The following REC114 variants were observed in gnomAD, a reference collection of about 807,000 sequenced individuals.
REC114 encodes the protein meiotic recombination protein REC114.
Under a neutral mutation model 31.3 loss-of-function variants are expected in REC114, and 27 were observed. That is an observed-to-expected ratio of 0.86 (90% CI 0.64 to 1.19). The LOEUF (loss-of-function observed/expected upper bound fraction) is 1.19. REC114 is among the 50% of genes most tolerant of loss of function. REC114 has a pLI of 0.00. For synonymous variants in REC114, 134 were observed against 127.7 expected (o/e 1.05, Z -0.33); for missense variants, 344 against 326.9 (o/e 1.05, Z -0.40).
At position 73,559,914 on chromosome 15, in the gene REC114, T is replaced by G; in HGVS notation, c.799T>G (p.Ter267GluextTer8). Residue 267 changes from the stop codon to glutamate (E), a stop_lost, in exon 6 of 6, where the codon TAA (stop) becomes GAA (glutamate). Coordinates refer to ENST00000331090, the MANE Select transcript of REC114 (RefSeq NM_001042367.2). ...ELKKLAGLRN* is the reference protein window; with the variant it reads ...ELKKLAGLRNE The stretch of plus-strand genomic sequence containing the variant: ...GAAAAAGCTGGCGGGTTTGAGAAAT[T>G]AATGCTCTATATACATATATAACTA... The G allele has an allele frequency of 6.2e-7, 1 of 1,609,966 alleles. No individual in the cohort carries two copies. The highest frequency in any genetic ancestry group is 2.2e-5 in the East Asian group (1 of 44,766).
intron 2 of REC114, among the ~76,000 whole-genome samples, chr15:73,505,812 G>A (rs1567877076): frequency 6.6e-6 from 1 of 152,146 alleles, no homozygotes; most frequent in East Asian, 1.9e-4. Flanking sequence ...GATTACAGGC[G>A]TGAGCCACCG....
chr15:73,559,305 C>T (rs1450480907), intron 5 of REC114, among the ~76,000 whole-genome samples: 1 of 152,224 alleles, frequency 6.6e-6, no homozygotes, highest in African/African-American at 2.4e-5. Flanking sequence ...TCTGTGGCCT[C>T]TTTCTTACAT....
At chr15:73,539,065 T>C (rs1894202903) in intron 2 of REC114, among the ~76,000 whole-genome samples, 1 of 151,466 alleles carries the variant, frequency 6.6e-6, no homozygotes, top group South Asian at 2.1e-4. Flanking sequence ...TTGTACCAAT[T>C]TGCACTCCCA....
At chr15:73,482,227 A>G (rs1056402149) in intron 2 of REC114, among the ~76,000 whole-genome samples, 6 of 152,144 alleles carry the variant, frequency 3.9e-5, no homozygotes, top group Non-Finnish European at 7.4e-5. Context: ...TTGAAATGTA[A>G]TCCCCAGTGT....
chr15:73,482,147 A>G (rs1484486023), intron 2 of REC114, among the ~76,000 whole-genome samples: 1 of 152,036 alleles, frequency 6.6e-6, no homozygotes, highest in Admixed American at 6.6e-5. Context: ...AGTTTCTATG[A>G]ATTTGACTAT....
intron 2 of REC114, among the ~76,000 whole-genome samples, chr15:73,484,689 A>G (rs769332573): frequency 6.6e-6 from 1 of 152,178 alleles, no homozygotes; most frequent in African/African-American, 2.4e-5. Flanking sequence ...TTTAGCCTCT[A>G]TTTCCAGCCA....
chr15:73,481,343 C>G (rs1314821920), intron 2 of REC114, among the ~76,000 whole-genome samples: 1 of 152,142 alleles, frequency 6.6e-6, no homozygotes, highest in Admixed American at 6.6e-5. Context: ...TCTAGTAATA[C>G]TACAGATTTC....
At chr15:73,473,440 TG>T (rs1462600805) in intron 1 of REC114, among the ~76,000 whole-genome samples, 1 of 151,860 alleles carries the variant, frequency 6.6e-6, no homozygotes, top group Non-Finnish European at 1.5e-5. Context: ...CTGAAGAAAT[TG>T]GGACTGTGAA....
At chr15:73,458,652 G>C (rs1892949489) in intron 1 of REC114, among the ~76,000 whole-genome samples, 1 of 152,206 alleles carries the variant, frequency 6.6e-6, no homozygotes, top group Non-Finnish European at 1.5e-5. Flanking sequence ...CATGGCCATG[G>C]TCTCACAGTC....
chr15:73,522,585 A>T (rs1000729903), intron 2 of REC114, among the ~76,000 whole-genome samples: 1 of 152,016 alleles, frequency 6.6e-6, no homozygotes, highest in East Asian at 1.9e-4. Flanking sequence ...TGTTTTTGAG[A>T]TTCACCCATA....
At chr15:73,558,089 A>C (rs1332094083) in intron 5 of REC114, among the ~76,000 whole-genome samples, 1 of 152,138 alleles carries the variant, frequency 6.6e-6, no homozygotes, top group Non-Finnish European at 1.5e-5. Context: ...CTGTAGTCCC[A>C]AGCACTTTGG....
intron 2 of REC114, among the ~76,000 whole-genome samples, chr15:73,511,250 T>C (rs1027083604): frequency 3.3e-5 from 5 of 152,326 alleles, no homozygotes; most frequent in Middle Eastern, 3.4e-3. Flanking sequence ...TGTAGTATTC[T>C]CTGATGGTAG....
At chr15:73,504,511 G>A (rs1053913977) in intron 2 of REC114, among the ~76,000 whole-genome samples, 1 of 152,020 alleles carries the variant, frequency 6.6e-6, no homozygotes, top group African/African-American at 2.4e-5. Flanking sequence ...TTCTTGTTTG[G>A]CAAGAGGAAT....
chr15:73,474,141 T>A (rs1285027047), intron 2 of REC114, among the ~76,000 whole-genome samples: 1 of 152,156 alleles, frequency 6.6e-6, no homozygotes, highest in Non-Finnish European at 1.5e-5. Context: ...TCAGAGTGGA[T>A]CAAAAGATTG....
chr15:73,520,905 G>A (rs1387889607), intron 2 of REC114, among the ~76,000 whole-genome samples: 1 of 152,046 alleles, frequency 6.6e-6, no homozygotes, highest in East Asian at 1.9e-4. Flanking sequence ...AAACAGACAT[G>A]CCTATTGAAT....
At chr15:73,549,723 A>G (rs1037455951) in intron 3 of REC114, among the ~76,000 whole-genome samples, 4 of 152,268 alleles carry the variant, frequency 2.6e-5, no homozygotes, top group African/African-American at 9.6e-5. Context: ...AGATAATGAT[A>G]ATGGATGACT....
intron 2 of REC114, among the ~76,000 whole-genome samples, chr15:73,517,565 T>C (rs1353573108): frequency 6.6e-6 from 1 of 152,208 alleles, no homozygotes; most frequent in Non-Finnish European, 1.5e-5. Flanking sequence ...TTCTGGTTTA[T>C]GCAACTCAAC....
intron 2 of REC114, among the ~76,000 whole-genome samples, chr15:73,476,339 A>G (rs982158821): frequency 1.3e-5 from 2 of 152,182 alleles, no homozygotes; most frequent in Admixed American, 6.6e-5. Context: ...CATCGCCACA[A>G]TCATGATACA....
intron 1 of REC114, among the ~76,000 whole-genome samples, chr15:73,448,476 T>G (rs904647222): frequency 6.6e-6 from 1 of 151,978 alleles, no homozygotes; most frequent in Non-Finnish European, 1.5e-5. Flanking sequence ...AGGGCATCTC[T>G]GAAAAAAAGG....
Sources: allele counts gnomAD v4.1 joint callset (sites outside exome capture counted in the v4.1 genomes callset), GRCh38; gene constraint gnomAD v4.1.1; transcripts MANE v1.5; gene names NCBI Gene and HGNC (gene_info 2026-07-23, HGNC 2026-07-21).